The following HDAC9 variants were observed in gnomAD, a reference collection of about 807,000 sequenced individuals.
HDAC9 encodes the protein histone deacetylase 9.
A neutral mutation model predicts 139.4 loss-of-function variants in HDAC9; 41 were observed. The observed-to-expected ratio is 0.29, with a 90% CI of 0.23 to 0.38. The LOEUF is 0.38. HDAC9 is among the 10% of genes least tolerant of loss of function. The pLI is 1.00. For missense variants in HDAC9, 1,147 were observed against 1,297.0 expected (o/e 0.88, Z 1.78); for synonymous variants, 517 against 476.2 (o/e 1.09, Z -1.12).
chr7:18,266,824 T>G (rs572721808), intron 2 of HDAC9, among the ~76,000 whole-genome samples: 12 of 152,268 alleles, frequency 7.9e-5, no homozygotes, highest in African/African-American at 2.9e-4. Context: ...AGTCTTCTTA[T>G]GAAAGTCATT....
chr7:18,910,962 T>C (rs1223953461), intron 22 of HDAC9, among the ~76,000 whole-genome samples: 1 of 151,922 alleles, frequency 6.6e-6, no homozygotes, highest in African/African-American at 2.4e-5. Context: ...ATTGGCCTCA[T>C]AGAATGAGTT....
intron 12 of HDAC9, among the ~76,000 whole-genome samples, chr7:18,686,410 A>T (rs558753064): frequency 6.6e-6 from 1 of 151,974 alleles, no homozygotes; most frequent in South Asian, 2.1e-4. Context: ...TTTTTCCTTC[A>T]TACTAAACAC....
intron 7 of HDAC9, 97 bp from the exon 8 acceptor site, chr7:18,634,530 G>T: frequency 2.8e-6 from 2 of 719,704 alleles, no homozygotes; most frequent in African/African-American, 1.8e-5. Flanking sequence ...ATTTACATAG[G>T]GGGAAAATAA....
At chr7:18,420,874 A>C (rs1789555577) in intron 1 of HDAC9, among the ~76,000 whole-genome samples, 1 of 152,234 alleles carries the variant, frequency 6.6e-6, no homozygotes, top group African/African-American at 2.4e-5. Context: ...TGGCCCCTCC[A>C]AGGACTAGCG....
intron 21 of HDAC9, among the ~76,000 whole-genome samples, chr7:18,853,091 G>A (rs1485773139): frequency 6.6e-6 from 1 of 152,110 alleles, no homozygotes; most frequent in African/African-American, 2.4e-5. Context: ...TAGTCCCTGA[G>A]TCGGCCTGGC....
chr7:18,760,309 T>C (rs1268829968), intron 14 of HDAC9, among the ~76,000 whole-genome samples: 1 of 152,178 alleles, frequency 6.6e-6, no homozygotes. Context: ...AACGTTTCCC[T>C]TTAATGTTGC....
chr7:18,953,949 C>A (rs993767265), intron 23 of HDAC9, among the ~76,000 whole-genome samples, 197 bp from the exon 24 acceptor site: 15 of 151,914 alleles, frequency 9.9e-5, no homozygotes, highest in African/African-American at 3.4e-4. Flanking sequence ...TGGAAAAGCC[C>A]CTTGGAATTC....
chr7:18,983,811 T>G (rs1205867844), intron 25 of HDAC9, among the ~76,000 whole-genome samples: 1 of 152,158 alleles, frequency 6.6e-6, no homozygotes, highest in African/African-American at 2.4e-5. Context: ...GATATTTCAT[T>G]GTGGATTCAG....
chr7:18,338,670 G>C (rs1022837558), intron 1 of HDAC9, among the ~76,000 whole-genome samples: 1 of 151,364 alleles, frequency 6.6e-6, no homozygotes, highest in African/African-American at 2.4e-5. Context: ...GGTATATAAT[G>C]CTTTTTATAT....
intron 6 of HDAC9, among the ~76,000 whole-genome samples, chr7:18,603,879 C>T (rs1431100453): frequency 6.6e-6 from 1 of 152,050 alleles, no homozygotes; most frequent in African/African-American, 2.4e-5. Context: ...CTTTATTTCT[C>T]CTTCTTGTTT....
intron 2 of HDAC9, among the ~76,000 whole-genome samples, chr7:18,176,455 TTGGGATA>T (rs1303174050): frequency 6.6e-6 from 1 of 152,346 alleles, no homozygotes; most frequent in Non-Finnish European, 1.5e-5. Context: ...CATGTAAATT[TTGGGATA>T]TGTTACTATT....
intron 1 of HDAC9, among the ~76,000 whole-genome samples, chr7:18,310,025 G>C (rs1258575814): frequency 1.3e-5 from 2 of 152,044 alleles, no homozygotes. Context: ...AGACACTGGT[G>C]CAGCCCAGCC....
intron 2 of HDAC9, among the ~76,000 whole-genome samples, chr7:18,268,004 G>C (rs1043297212): frequency 1.3e-5 from 2 of 152,076 alleles, no homozygotes; most frequent in Non-Finnish European, 2.9e-5. Context: ...TTGATAGAAT[G>C]CTGAGCACCC....
intron 21 of HDAC9, among the ~76,000 whole-genome samples, chr7:18,871,189 C>T (rs975329722): frequency 1.3e-5 from 2 of 152,098 alleles, no homozygotes; most frequent in Admixed American, 6.6e-5. Flanking sequence ...TTATTTTGCT[C>T]ATCAAATTGT....
At chr7:18,789,366 T>C (rs1792113332) in intron 16 of HDAC9, among the ~76,000 whole-genome samples, 1 of 152,012 alleles carries the variant, frequency 6.6e-6, no homozygotes, top group South Asian at 2.1e-4. Flanking sequence ...AAAGAATAAG[T>C]TGTTGGAGAG....
intron 1 of HDAC9, among the ~76,000 whole-genome samples, chr7:18,398,143 G>T (rs1288245159): frequency 6.6e-6 from 1 of 152,170 alleles, no homozygotes. Flanking sequence ...GTCATCCCTT[G>T]TAGCTTCTAC....
At chr7:18,104,339 T>C (rs1298628376) in intron 1 of HDAC9, among the ~76,000 whole-genome samples, 2 of 152,140 alleles carry the variant, frequency 1.3e-5, no homozygotes, top group African/African-American at 4.8e-5. Flanking sequence ...AGATCTAAAC[T>C]TTTTCAAAGG....
chr7:18,931,006 T>C (rs1804694291), intron 22 of HDAC9, among the ~76,000 whole-genome samples: 1 of 152,202 alleles, frequency 6.6e-6, no homozygotes, highest in Non-Finnish European at 1.5e-5. Flanking sequence ...GATAATTGAA[T>C]TCTCAGTTAC....
At chr7:18,350,152 C>T (rs993478328) in intron 1 of HDAC9, among the ~76,000 whole-genome samples, 1 of 151,970 alleles carries the variant, frequency 6.6e-6, no homozygotes, top group African/African-American at 2.4e-5. Flanking sequence ...GTGTATAACT[C>T]AGTGGTTCAA....
Sources: allele counts gnomAD v4.1 joint callset (sites outside exome capture counted in the v4.1 genomes callset), GRCh38; gene constraint gnomAD v4.1.1; transcripts MANE v1.5; gene names NCBI Gene and HGNC (gene_info 2026-07-23, HGNC 2026-07-21).